Variants in GRID2 observed in about 807,000 individuals in gnomAD.
The protein encoded by GRID2 is glutamate ionotropic receptor delta type subunit 2.
A neutral mutation model predicts 114.8 loss-of-function variants in GRID2; 33 were observed. That is an observed-to-expected ratio of 0.29 (90% CI 0.22 to 0.38). The LOEUF is 0.38. Among genes scored for constraint, GRID2 ranks in the 10% least tolerant of loss-of-function variants. GRID2 has a pLI of 1.00. For synonymous variants in GRID2, 505 were observed against 449.9 expected, an observed-to-expected ratio of 1.12 and a Z score of -1.55; for missense variants, 1,184 against 1,257.7, an observed-to-expected ratio of 0.94 and a Z score of 0.89.
downstream of GRID2, among the ~76,000 whole-genome samples, chr4:93,778,293 G>C (rs1734410020): frequency 6.7e-6 from 1 of 150,014 alleles, no homozygotes; most frequent in Admixed American, 6.7e-5. Context: ...ATTAATATCT[G>C]TTTACAAAAG....
chr4:93,762,029 G>A (rs926519253), intron 14 of GRID2, among the ~76,000 whole-genome samples: 1 of 152,190 alleles, frequency 6.6e-6, no homozygotes, highest in Admixed American at 6.5e-5. Context: ...CCAAAGCTAG[G>A]ATGAAAAAAT....
intron 13 of GRID2, among the ~76,000 whole-genome samples, chr4:93,538,351 C>A (rs190197264): frequency 7.2e-4 from 109 of 151,744 alleles, no homozygotes; most frequent in African/African-American, 2.3e-3. Context: ...TATTGGATTA[C>A]AACCCAAACT....
At chr4:93,738,729 C>A (rs1731133773) in intron 14 of GRID2, among the ~76,000 whole-genome samples, 1 of 151,960 alleles carries the variant, frequency 6.6e-6, no homozygotes, top group African/African-American at 2.4e-5. Context: ...ATGGAGATCC[C>A]ACTGAGCAGG....
At chr4:93,336,843 T>C (rs1759141177) in intron 8 of GRID2, among the ~76,000 whole-genome samples, 1 of 152,168 alleles carries the variant, frequency 6.6e-6, no homozygotes, top group South Asian at 2.1e-4. Flanking sequence ...AAGTCCAGTT[T>C]TCTATTTCTT....
At chr4:92,735,652 T>G (rs1040727503) in intron 2 of GRID2, among the ~76,000 whole-genome samples, 1 of 152,168 alleles carries the variant, frequency 6.6e-6, no homozygotes, top group African/African-American at 2.4e-5. Flanking sequence ...TTCCAGCTGA[T>G]GTAAGTGCTA....
chr4:92,501,287 G>A (rs1394796983), intron 1 of GRID2, among the ~76,000 whole-genome samples: 1 of 152,182 alleles, frequency 6.6e-6, no homozygotes, highest in Non-Finnish European at 1.5e-5. Context: ...CTGTGAGGGG[G>A]CAGGTTATGC....
intron 2 of GRID2, among the ~76,000 whole-genome samples, chr4:92,688,971 T>C (rs1480465248): frequency 6.6e-6 from 1 of 152,200 alleles, no homozygotes; most frequent in East Asian, 1.9e-4. Context: ...GAATGGGTGT[T>C]GTGTTAAAAA....
chr4:93,229,473 C>G (rs968540993), intron 7 of GRID2, among the ~76,000 whole-genome samples: 8 of 152,114 alleles, frequency 5.3e-5, no homozygotes, highest in African/African-American at 1.9e-4. Flanking sequence ...CTTTCTTAAT[C>G]AGACTGTACA....
chr4:93,498,201 A>G (rs1350899681), intron 12 of GRID2, among the ~76,000 whole-genome samples: 1 of 151,844 alleles, frequency 6.6e-6, no homozygotes, highest in East Asian at 1.9e-4. Flanking sequence ...TCCAATATCA[A>G]GGTGCCAGCA....
chr4:92,694,931 T>G (rs2149296131), intron 2 of GRID2, among the ~76,000 whole-genome samples: 1 of 152,288 alleles, frequency 6.6e-6, no homozygotes, highest in Admixed American at 6.5e-5. Context: ...GACTAAATGC[T>G]TTGATACTCT....
intron 5 of GRID2, among the ~76,000 whole-genome samples, chr4:93,209,616 A>C (rs1743219261): frequency 6.6e-6 from 1 of 152,130 alleles, no homozygotes; most frequent in Admixed American, 6.6e-5. Flanking sequence ...TATACCCAGT[A>C]ATGGGATTGC....
chr4:92,460,053 T>TACAC (rs70940890), intron 1 of GRID2, among the ~76,000 whole-genome samples: 1 of 99,762 alleles, frequency 1.0e-5, no homozygotes, highest in African/African-American at 3.9e-5. Context: ...TATATATATA[T>TACAC]ACACACACAA....
intron 1 of GRID2, among the ~76,000 whole-genome samples, chr4:92,559,057 A>T (rs150936676): frequency 4.3e-4 from 65 of 152,322 alleles, no homozygotes; most frequent in Non-Finnish European, 8.8e-4. Context: ...AAAACTTCTA[A>T]GAACAGTTTG....
At chr4:93,142,150 T>A (rs1187859344) in intron 4 of GRID2, among the ~76,000 whole-genome samples, 1 of 152,042 alleles carries the variant, frequency 6.6e-6, no homozygotes, top group South Asian at 2.1e-4. Flanking sequence ...GAGGTGGAGA[T>A]TGCAGTGAGC....
At chr4:92,925,942 T>C (rs1560708608) in intron 2 of GRID2, among the ~76,000 whole-genome samples, 1 of 152,022 alleles carries the variant, frequency 6.6e-6, no homozygotes, top group African/African-American at 2.4e-5. Context: ...TTCCCATCAT[T>C]TGTGTGTTTT....
At chr4:92,830,677 T>A (rs1742042427) in intron 2 of GRID2, among the ~76,000 whole-genome samples, 1 of 152,228 alleles carries the variant, frequency 6.6e-6, no homozygotes, top group Non-Finnish European at 1.5e-5. Flanking sequence ...AAATAAGTTC[T>A]GTTGAGTTTA....
chr4:92,724,356 ACT>A lies in GRID2; in HGVS notation c.244+134073_244+134074del, dbSNP rs574271691. Among the ~76,000 whole-genome samples, 156 of 152,080 alleles carry A rather than the reference ACT, an allele frequency of 1.0e-3. 4 individuals are homozygous for A. Among genetic ancestry groups the A allele is most frequent in the African/African-American group, 3.5e-3 (146 of 41,484 alleles). On this transcript the variant is annotated intron_variant, in intron 2 of 15. Coordinates refer to ENST00000282020, the MANE Select transcript of GRID2 (RefSeq NM_001510.4). ...CATAGTTAGAAGCATCACTGTTACA[ACT>A]CTGCAGATCCTGAATACGCCTAGGT...
chr4:92,495,582 G>A (rs1723347973), intron 1 of GRID2, among the ~76,000 whole-genome samples: 2 of 151,868 alleles, frequency 1.3e-5, no homozygotes, highest in African/African-American at 4.8e-5. Context: ...CAGAAATGTA[G>A]GCAAGATTGA....
chr4:92,989,427 G>C (rs1020011560), intron 2 of GRID2, among the ~76,000 whole-genome samples: 2 of 151,328 alleles, frequency 1.3e-5, no homozygotes, highest in East Asian at 3.9e-4. Flanking sequence ...AGAATGAGAG[G>C]GACATGAAGT....
Sources: gnomAD v4.1 joint callset for allele counts (sites outside exome capture counted in the v4.1 genomes callset) on GRCh38, gnomAD v4.1.1 for gene constraint, MANE v1.5 for transcripts, NCBI Gene and HGNC (gene_info 2026-07-23, HGNC 2026-07-21) for gene names.